ZNF626: variants seen among roughly 807,000 people sequenced by gnomAD.
ZNF626 encodes CTC-513N18.7.
Under a neutral mutation model 11.7 loss-of-function variants are expected in ZNF626, and 4 were observed. The ratio of observed to expected loss-of-function variants is 0.34; its 90% CI spans 0.17 to 0.78. The LOEUF is 0.78. ZNF626 is among the 30% of genes least tolerant of loss of function. The pLI, the probability that ZNF626 is intolerant of heterozygous loss-of-function variation, is 0.57. For missense variants in ZNF626, 588 were observed against 587.1 expected (o/e 1.00, Z -0.01); for synonymous variants, 179 against 198.6 (o/e 0.90, Z 0.83).
intron 1 of ZNF626, among the ~76,000 whole-genome samples, chr19:20,658,463 G>A (rs564320959): frequency 6.6e-6 from 1 of 152,260 alleles, no homozygotes; most frequent in South Asian, 2.1e-4. Context: ...AGGAGTGGGT[G>A]GGAATCCTGT....
rs1365919074 is a variant in ZNF626, at chr19:20,645,550, C to CA, written c.226+133dup. 170 of 1,550,614 alleles carry CA rather than the reference C, an allele frequency of 1.1e-4. No individual in the cohort carries two copies. The East Asian group carries it at 3.9e-3, about 36-fold the overall frequency. ...AGAAAAAACCAAACAAACAAACAAA[C>CA]AAAAAATAGCTGCCCAAGAACTATT... On this transcript the variant is annotated intron_variant, in intron 3 of 3. Transcript: ENST00000601440.
intron 1 of ZNF626, among the ~76,000 whole-genome samples, chr19:20,647,696 C>T (rs1258733233): frequency 1.3e-5 from 2 of 151,798 alleles, no homozygotes; most frequent in Non-Finnish European, 1.5e-5. Flanking sequence ...CCGTGTTAGC[C>T]GGGATGGTCT....
chr19:20,654,029 T>C (rs377418500), intron 1 of ZNF626, among the ~76,000 whole-genome samples: 1 of 152,206 alleles, frequency 6.6e-6, no homozygotes, highest in East Asian at 1.9e-4. Context: ...CTGACTAATA[T>C]CTACTAACTG....
rs7250542 is a variant in ZNF626 at position 20,620,772 on chromosome 19, A to G, written c.*3518T>C. The G allele has an allele frequency of 0.79, 120,609 of 151,808 alleles. 48,832 individuals carry two copies. Among genetic ancestry groups the G allele is most frequent in the Admixed American group, 0.87 (13,285 of 15,246 alleles). The allele number at this position is 151,808 out of a possible 1,614,324, so 9.4% of individuals were successfully genotyped here. ...GGCTGGTCTTGAACTCCTGAGCTCAAGCAACACACCTGCCTCAGCCTCCGA... is the reference window on the plus strand; with the variant it reads ...GGCTGGTCTTGAACTCCTGAGCTCAGGCAACACACCTGCCTCAGCCTCCGA... On this transcript the variant is annotated 3_prime_UTR_variant, in exon 4 of 4. Coordinates refer to ENST00000601440, the MANE Select transcript of ZNF626 (RefSeq NM_001076675.3).
At chr19:20,645,261 C>A in intron 3 of ZNF626, 1 of 1,423,878 alleles carries the variant, frequency 7.0e-7, no homozygotes, top group Non-Finnish European at 9.2e-7. Flanking sequence ...AAAAAAAATT[C>A]AACAGAAACT....
At chr19:20,637,176 A>G (rs1969975535) in intron 3 of ZNF626, among the ~76,000 whole-genome samples, 1 of 152,172 alleles carries the variant, frequency 6.6e-6, no homozygotes, top group Non-Finnish European at 1.5e-5. Context: ...TTTATAGAAT[A>G]TAAAAAACAA....
In ZNF626 at chr19:20,624,892, T is replaced by C; in HGVS notation, c.985A>G (p.Thr329Ala). 3 of 1,613,896 alleles carry C rather than the reference T, an allele frequency of 1.9e-6. No individual in the cohort carries two copies. Among genetic ancestry groups the C allele is most frequent in the Non-Finnish European group, 2.5e-6 (3 of 1,179,962 alleles). The change falls in exon 4 of 4, where the codon ACT becomes GCT. Residue 329 changes from threonine to alanine, a missense_variant. Transcript: ENST00000601440. ...DKAFKYSYTL[T>A]THKRIHTEDK... Reference sequence around the variant, plus strand: ...TCAGTATGAATTCTTTTATGTGTAGTAAGGGTATAGGAGTACTTAAAGGCT... The same window carrying C: ...TCAGTATGAATTCTTTTATGTGTAGCAAGGGTATAGGAGTACTTAAAGGCT...
At chr19:20,630,040 G>A (rs1322392716) in intron 3 of ZNF626, among the ~76,000 whole-genome samples, 1 of 152,150 alleles carries the variant, frequency 6.6e-6, no homozygotes, top group Non-Finnish European at 1.5e-5. Context: ...AGATAATCAT[G>A]TGGTTTTTGT....
intron 3 of ZNF626, among the ~76,000 whole-genome samples, chr19:20,637,341 C>T (rs149851555): frequency 2.8e-3 from 424 of 151,738 alleles, no homozygotes; most frequent in Non-Finnish European, 4.8e-3. Flanking sequence ...AAAAATTAGC[C>T]GGGCATAGTG....
chr19:20,646,517 A>C (rs1225748800), intron 1 of ZNF626, 112 bp from the exon 2 acceptor site: 1 of 1,544,982 alleles, frequency 6.5e-7, no homozygotes, highest in African/African-American at 1.4e-5. Context: ...TATAGGACTG[A>C]CTAAAATTAT....
intron 3 of ZNF626, among the ~76,000 whole-genome samples, chr19:20,627,686 A>G (rs1969854677): frequency 6.6e-6 from 1 of 152,204 alleles, no homozygotes; most frequent in African/African-American, 2.4e-5. Flanking sequence ...TCAAGAGTCA[A>G]CTTGCCTTTC....
chr19:20,630,649 G>A (rs1221078999), intron 3 of ZNF626, among the ~76,000 whole-genome samples: 46 of 151,340 alleles, frequency 3.0e-4, no homozygotes, highest in Non-Finnish European at 6.2e-4. Flanking sequence ...TTTTTATTGT[G>A]TCTATTTGAT....
intron 3 of ZNF626, among the ~76,000 whole-genome samples, chr19:20,642,090 T>C (rs782079662): frequency 5.9e-5 from 9 of 152,064 alleles, no homozygotes; most frequent in Non-Finnish European, 5.9e-5. Flanking sequence ...AAAACTACCA[T>C]CAAAAATCAG....
intron 1 of ZNF626, among the ~76,000 whole-genome samples, chr19:20,658,325 G>A (rs1235168465): frequency 2.0e-5 from 3 of 152,210 alleles, no homozygotes; most frequent in Non-Finnish European, 4.4e-5. Context: ...GATATGCCAG[G>A]AGACCTGTAG....
chr19:20,640,237 AT>A (rs371534891), intron 3 of ZNF626, among the ~76,000 whole-genome samples: 65,656 of 147,520 alleles, frequency 0.45, 15,780 homozygotes, highest in African/African-American at 0.63. Flanking sequence ...AAATAATTAA[AT>A]TATTAATTTT....
intron 3 of ZNF626, among the ~76,000 whole-genome samples, chr19:20,637,038 A>AC (rs1969973898): frequency 3.4e-5 from 5 of 149,012 alleles, no homozygotes; most frequent in Non-Finnish European, 7.4e-5. Context: ...AAAAAAAAAA[A>AC]GGCCCAGTGC....
intron 1 of ZNF626, among the ~76,000 whole-genome samples, chr19:20,654,036 A>C (rs1371034096): frequency 1.3e-5 from 2 of 152,322 alleles, no homozygotes; most frequent in Middle Eastern, 3.4e-3. Context: ...ATATCTACTA[A>C]CTGTAACAAT....
chr19:20,647,708 G>C lies in ZNF626; in HGVS notation c.4-1303C>G, dbSNP rs563456564. On this transcript the variant is annotated intron_variant, in intron 1 of 3. Coordinates refer to ENST00000601440, the MANE Select transcript of ZNF626 (RefSeq NM_001076675.3). The stretch of plus-strand genomic sequence containing the variant: ...TCACCGTGTTAGCCGGGATGGTCTC[G>C]ATCTCCTGACCTCGTGATCCACCCA... Among the ~76,000 whole-genome samples the C allele has an allele frequency of 2.0e-5, 3 of 151,860 alleles. No homozygotes were observed. The East Asian group carries it at 5.9e-4, about 30-fold the overall frequency.
chr19:20,637,161 G>A (rs1401184376), intron 3 of ZNF626, among the ~76,000 whole-genome samples: 2 of 151,554 alleles, frequency 1.3e-5, no homozygotes, highest in Non-Finnish European at 2.9e-5. Context: ...AACCTTTAAA[G>A]TTCTTTTATA....
Sources: allele counts gnomAD v4.1 joint callset (sites outside exome capture counted in the v4.1 genomes callset), GRCh38; gene constraint gnomAD v4.1.1; transcripts MANE v1.5; gene names NCBI Gene and HGNC (gene_info 2026-07-23, HGNC 2026-07-21).